LSAMP: variants seen among roughly 807,000 people sequenced by gnomAD.
LSAMP encodes the protein limbic system-associated membrane protein.
A neutral mutation model predicts 38.6 loss-of-function variants in LSAMP; 7 were observed. The ratio of observed to expected loss-of-function variants is 0.18; its 90% confidence interval spans 0.10 to 0.34. LSAMP has a LOEUF of 0.34. Ranked by LOEUF, LSAMP falls within the 10% of genes least tolerant of loss-of-function variation. The probability of loss-of-function intolerance (pLI) is 1.00; values close to 1 mark genes in which losing one functional copy is unlikely to be tolerated. For missense variants in LSAMP, 313 were observed against 420.0 expected, an observed-to-expected ratio of 0.75 and a Z score of 2.23; for synonymous variants, 154 against 166.8, an observed-to-expected ratio of 0.92 and a Z score of 0.59.
chr3:116,183,904 T>C lies in LSAMP; in HGVS notation c.156-97348A>G, dbSNP rs72961561. On this transcript the variant is annotated intron_variant, in intron 1 of 6. Coordinates refer to ENST00000490035, the MANE Select transcript of LSAMP (RefSeq NM_002338.5). ...AGGCAAATGAGCAGAGGAAAAGTTGTAGATACTGGGTTGATTGATTCCTAA... is the reference window on the plus strand; with the variant it reads ...AGGCAAATGAGCAGAGGAAAAGTTGCAGATACTGGGTTGATTGATTCCTAA... 1.7e-3 allele frequency among the ~76,000 whole-genome samples: 255 copies of C among 152,028 alleles called. 1 individual carries two copies. The highest frequency in any genetic ancestry group is 5.8e-3 in the African/African-American group (240 of 41,542).
chr3:116,354,020 A>G (rs1476094353), intron 1 of LSAMP, among the ~76,000 whole-genome samples: 1 of 152,142 alleles, frequency 6.6e-6, no homozygotes, highest in Non-Finnish European at 1.5e-5. Context: ...TGAAGACAGT[A>G]TTATCAGGAT....
At chr3:116,113,205 C>T (rs930859149) in intron 1 of LSAMP, among the ~76,000 whole-genome samples, 5 of 151,108 alleles carry the variant, frequency 3.3e-5, no homozygotes, top group Admixed American at 1.3e-4. Flanking sequence ...CTCTAATAGA[C>T]ATTCAGAATT....
chr3:116,108,554 T>C (rs541631073), intron 1 of LSAMP, among the ~76,000 whole-genome samples: 2 of 152,240 alleles, frequency 1.3e-5, no homozygotes, highest in East Asian at 3.9e-4. Context: ...TCTACGGTGT[T>C]TCCGAGGCAA....
At chr3:116,210,029 C>G (rs544598277) in intron 1 of LSAMP, among the ~76,000 whole-genome samples, 48 of 152,268 alleles carry the variant, frequency 3.2e-4, no homozygotes, top group African/African-American at 1.1e-3. Context: ...CCTGGGATTA[C>G]AGGCCTGAGC....
intron 6 of LSAMP, among the ~76,000 whole-genome samples, chr3:115,835,149 C>T (rs1934742942): frequency 6.6e-6 from 1 of 152,166 alleles, no homozygotes; most frequent in Non-Finnish European, 1.5e-5. Flanking sequence ...ATAGGAGTAA[C>T]ATCAAGGTAA....
intron 3 of LSAMP, among the ~76,000 whole-genome samples, chr3:115,901,209 A>C (rs1403458465): frequency 6.6e-6 from 1 of 152,056 alleles, no homozygotes; most frequent in Non-Finnish European, 1.5e-5. Flanking sequence ...TCTGTCAGTT[A>C]TGGCAGCCAA....
intron 3 of LSAMP, among the ~76,000 whole-genome samples, chr3:115,989,997 A>T (rs1939622221): frequency 6.6e-6 from 1 of 152,054 alleles, no homozygotes; most frequent in Non-Finnish European, 1.5e-5. Context: ...GTTGCATAGG[A>T]TTGGAATTTA....
rs115416344 is a variant in LSAMP, at chr3:116,273,998, A to G, written c.155+170879T>C. On this transcript the variant is annotated intron_variant, in intron 1 of 6. Coordinates refer to ENST00000490035, the MANE Select transcript of LSAMP (RefSeq NM_002338.5). ...GATTCTCCACTGCTTCCTATCTGTTATTTTCCATTTACAGCACTTCTCCTC... is the reference window on the plus strand; with the variant it reads ...GATTCTCCACTGCTTCCTATCTGTTGTTTTCCATTTACAGCACTTCTCCTC... 2.5e-3 allele frequency among the ~76,000 whole-genome samples: 375 copies of G among 151,820 alleles called. 1 individual carries two copies. Among genetic ancestry groups the G allele is most frequent in the African/African-American group, 8.7e-3 (361 of 41,402 alleles).
chr3:116,272,690 G>A (rs963908535), intron 1 of LSAMP, among the ~76,000 whole-genome samples: 5 of 152,000 alleles, frequency 3.3e-5, no homozygotes, highest in African/African-American at 7.2e-5. Context: ...TGGATAGTCC[G>A]TTATTTTCTG....
At chr3:116,316,720 A>G (rs918462516) in intron 1 of LSAMP, among the ~76,000 whole-genome samples, 3 of 151,040 alleles carry the variant, frequency 2.0e-5, no homozygotes, top group East Asian at 1.9e-4. Flanking sequence ...GCAGTGAGCT[A>G]AGACCATGCC....
intron 1 of LSAMP, among the ~76,000 whole-genome samples, chr3:116,234,476 T>C (rs957239957): frequency 1.6e-5 from 2 of 123,002 alleles, no homozygotes; most frequent in African/African-American, 5.4e-5. Flanking sequence ...ATTTATCATA[T>C]ATCTATGAAA....
intron 1 of LSAMP, among the ~76,000 whole-genome samples, chr3:116,337,981 C>A (rs2107749327): frequency 6.6e-6 from 1 of 152,128 alleles, no homozygotes; most frequent in East Asian, 1.9e-4. Flanking sequence ...TCTGAAAACA[C>A]CCAAGAGGAT....
intron 1 of LSAMP, among the ~76,000 whole-genome samples, chr3:116,393,189 G>GGCAT (rs1425035745): frequency 1.3e-5 from 2 of 152,114 alleles, no homozygotes; most frequent in Admixed American, 6.5e-5. Context: ...ATGACACTGT[G>GGCAT]GGCAAAGAGA....
intron 1 of LSAMP, among the ~76,000 whole-genome samples, chr3:116,359,657 A>G (rs2107777032): frequency 6.6e-6 from 1 of 152,262 alleles, no homozygotes; most frequent in African/African-American, 2.4e-5. Context: ...ATGGTGGTAA[A>G]CATATGTCAT....
chr3:116,248,964 G>A (rs1173927079), intron 1 of LSAMP, among the ~76,000 whole-genome samples: 3 of 151,898 alleles, frequency 2.0e-5, no homozygotes, highest in African/African-American at 4.8e-5. Context: ...TGGCTAAGAT[G>A]GTGAGACCCT....
intron 1 of LSAMP, among the ~76,000 whole-genome samples, chr3:116,108,567 A>G (rs146626143): frequency 1.3e-5 from 2 of 152,202 alleles, no homozygotes; most frequent in Non-Finnish European, 2.9e-5. Flanking sequence ...CGAGGCAATT[A>G]GGCAGCATCA....
At chr3:116,422,270 G>A (rs911327897) in intron 1 of LSAMP, among the ~76,000 whole-genome samples, 23 of 151,890 alleles carry the variant, frequency 1.5e-4, no homozygotes, top group East Asian at 1.9e-4. Flanking sequence ...CCACACCCAC[G>A]GATTCAACCA....
In LSAMP at chr3:116,261,901, GAT is replaced by G. The variant is rs779679234; in HGVS notation, c.156-175347_156-175346del. 1.4e-3 allele frequency among the ~76,000 whole-genome samples: 211 copies of G among 149,170 alleles called. 1 individual carries two copies. The highest frequency in any genetic ancestry group is 4.7e-3 in the African/African-American group (191 of 40,950). On this transcript the variant is annotated intron_variant, in intron 1 of 6. Transcript: ENST00000490035. ...TTAATGCAATATATTAATAAATTCTGATATATATAATTACATATATATATCTG... is the reference window on the plus strand; with the variant it reads ...TTAATGCAATATATTAATAAATTCTGATATATAATTACATATATATATCTG...
chr3:115,848,721 C>T (rs1216140611), intron 4 of LSAMP, among the ~76,000 whole-genome samples: 1 of 152,012 alleles, frequency 6.6e-6, no homozygotes, highest in Non-Finnish European at 1.5e-5. Flanking sequence ...AAGAGACAGA[C>T]AAATAAAGGG....
Sources: gnomAD v4.1 joint callset for allele counts (sites outside exome capture counted in the v4.1 genomes callset) on GRCh38, gnomAD v4.1.1 for gene constraint, MANE v1.5 for transcripts, NCBI Gene and HGNC (gene_info 2026-07-23, HGNC 2026-07-21) for gene names.